The following LRRC4C variants were observed in gnomAD, a reference collection of about 807,000 sequenced individuals.
The protein encoded by LRRC4C is leucine rich repeat containing 4C, also known as leucine-rich repeat-containing protein 4C.
LRRC4C carries 5 observed loss-of-function variants against 33.6 expected under a neutral mutation model. The observed-to-expected ratio is 0.15, with a 90% CI of 0.08 to 0.31. LRRC4C has a LOEUF of 0.31. LRRC4C is among the 10% of genes least tolerant of loss of function. The pLI is 1.00. For synonymous variants in LRRC4C, 329 were observed against 302.0 expected (o/e 1.09, Z -0.93); for missense variants, 560 against 796.7 (o/e 0.70, Z 3.58).
chr11:41,032,449 C>T (rs1325863712), intron 1 of LRRC4C, among the ~76,000 whole-genome samples: 1 of 151,926 alleles, frequency 6.6e-6, no homozygotes, highest in Non-Finnish European at 1.5e-5. Context: ...AAACTTTCAA[C>T]TGTGTGTGTG....
chr11:40,725,299 G>A (rs1793831208), intron 2 of LRRC4C, among the ~76,000 whole-genome samples: 1 of 152,154 alleles, frequency 6.6e-6, no homozygotes, highest in South Asian at 2.1e-4. Flanking sequence ...GAGGTCAGGA[G>A]ATCGAGACCA....
At chr11:40,800,733 T>C (rs1487564831) in intron 2 of LRRC4C, among the ~76,000 whole-genome samples, 1 of 152,122 alleles carries the variant, frequency 6.6e-6, no homozygotes, top group Admixed American at 6.6e-5. Flanking sequence ...ACAAAGATCA[T>C]CTAGGCAGTG....
intron 5 of LRRC4C, among the ~76,000 whole-genome samples, chr11:40,200,958 A>G (rs184617136): frequency 6.6e-6 from 1 of 152,164 alleles, no homozygotes; most frequent in African/African-American, 2.4e-5. Context: ...ATTGCTACTC[A>G]TGAAAATATA....
chr11:40,382,123 A>ATTTTTTTTTTTTTT (rs77934711), intron 3 of LRRC4C, among the ~76,000 whole-genome samples: 16 of 99,980 alleles, frequency 1.6e-4, no homozygotes, highest in Non-Finnish European at 2.2e-4. Context: ...TGCCCGGCTA[A>ATTTTTTTTTTTTTT]TTTTTTTTTT....
At chr11:41,369,138 T>A (rs1952651359) in intron 1 of LRRC4C, among the ~76,000 whole-genome samples, 1 of 152,106 alleles carries the variant, frequency 6.6e-6, no homozygotes, top group African/African-American at 2.4e-5. Context: ...AAAAACACAA[T>A]GAATAAGCTC....
intron 5 of LRRC4C, among the ~76,000 whole-genome samples, chr11:40,165,643 A>T (rs1266772514): frequency 6.6e-6 from 1 of 152,146 alleles, no homozygotes; most frequent in African/African-American, 2.4e-5. Flanking sequence ...CCTATATAAA[A>T]TGAATTAGAT....
intron 3 of LRRC4C, among the ~76,000 whole-genome samples, chr11:40,525,902 G>A (rs968955607): frequency 6.6e-6 from 1 of 152,112 alleles, no homozygotes; most frequent in Non-Finnish European, 1.5e-5. Flanking sequence ...TAGACCAGTG[G>A]AACAGACAGT....
chr11:40,449,281 T>C (rs1267594188), intron 3 of LRRC4C, among the ~76,000 whole-genome samples: 1 of 152,006 alleles, frequency 6.6e-6, no homozygotes, highest in Admixed American at 6.6e-5. Context: ...GGGTATTTAC[T>C]TTGTTTTTTG....
chr11:40,715,579 G>A (rs1946663827), intron 2 of LRRC4C, among the ~76,000 whole-genome samples: 1 of 152,094 alleles, frequency 6.6e-6, no homozygotes. Flanking sequence ...ATGCTCACTG[G>A]GTATCACTGA....
At chr11:40,210,891 G>A (rs898831078) in intron 5 of LRRC4C, among the ~76,000 whole-genome samples, 1 of 152,142 alleles carries the variant, frequency 6.6e-6, no homozygotes, top group Non-Finnish European at 1.5e-5. Flanking sequence ...TCCTGCCTCA[G>A]CTTCCTGTGT....
At chr11:40,750,552 G>A (rs1591624746) in intron 2 of LRRC4C, among the ~76,000 whole-genome samples, 1 of 150,688 alleles carries the variant, frequency 6.6e-6, no homozygotes. Context: ...ACTATTGCAA[G>A]GACAAGAAAC....
At chr11:41,164,041 A>C (rs1305062499) in intron 1 of LRRC4C, among the ~76,000 whole-genome samples, 9 of 152,202 alleles carry the variant, frequency 5.9e-5, no homozygotes, top group African/African-American at 2.2e-4. Context: ...AAAATGATTG[A>C]GATATCAATC....
chr11:40,305,144 C>T (rs1944967436), intron 4 of LRRC4C, among the ~76,000 whole-genome samples: 1 of 152,218 alleles, frequency 6.6e-6, no homozygotes, highest in South Asian at 2.1e-4. Flanking sequence ...GCTGTTTTCT[C>T]TGCCTAGAAC....
intron 1 of LRRC4C, among the ~76,000 whole-genome samples, chr11:41,166,929 T>A (rs111478448): frequency 2.6e-5 from 4 of 152,126 alleles, no homozygotes; most frequent in African/African-American, 9.7e-5. Context: ...CTCTCCCCCA[T>A]ACAAACTGAA....
intron 1 of LRRC4C, among the ~76,000 whole-genome samples, chr11:40,939,028 TATA>T (rs1217849030): frequency 6.6e-6 from 1 of 152,076 alleles, no homozygotes; most frequent in Non-Finnish European, 1.5e-5. Context: ...ATGTTTATGA[TATA>T]ATAGTGAATG....
intron 2 of LRRC4C, among the ~76,000 whole-genome samples, chr11:40,792,397 T>C (rs541799184): frequency 3.3e-5 from 5 of 152,248 alleles, no homozygotes; most frequent in African/African-American, 1.2e-4. Context: ...GACTTTTTGG[T>C]TTATAAAGTT....
intron 1 of LRRC4C, among the ~76,000 whole-genome samples, chr11:41,045,629 C>A (rs558737939): frequency 6.6e-6 from 1 of 152,052 alleles, no homozygotes. Flanking sequence ...TTAGTGGGAA[C>A]AACTAAACAT....
intron 3 of LRRC4C, among the ~76,000 whole-genome samples, chr11:40,328,480 G>A (rs969048038): frequency 3.3e-5 from 5 of 151,982 alleles, no homozygotes; most frequent in Non-Finnish European, 5.9e-5. Flanking sequence ...TTTAGCTGTT[G>A]GAGACAACTA....
At chr11:40,209,318 G>C (rs1280592555) in intron 5 of LRRC4C, among the ~76,000 whole-genome samples, 1 of 152,044 alleles carries the variant, frequency 6.6e-6, no homozygotes, top group Non-Finnish European at 1.5e-5. Context: ...TCCTCTAGTA[G>C]ATTCTTCAAA....
Sources: gnomAD v4.1 joint callset for allele counts (sites outside exome capture counted in the v4.1 genomes callset) on GRCh38, gnomAD v4.1.1 for gene constraint, MANE v1.5 for transcripts, NCBI Gene and HGNC (gene_info 2026-07-23, HGNC 2026-07-21) for gene names.